The following DIP2C variants were observed in gnomAD, a reference collection of about 807,000 sequenced individuals.
DIP2C encodes disco-interacting protein 2 homolog C.
DIP2C carries 33 observed loss-of-function variants against 192.4 expected under a neutral mutation model. The observed-to-expected ratio is 0.17, with a 90% CI of 0.13 to 0.23. DIP2C has a LOEUF of 0.23. DIP2C is among the 10% of genes least tolerant of loss of function. The pLI, the probability that DIP2C is intolerant of heterozygous loss-of-function variation, is 1.00. For missense variants in DIP2C, 1,537 were observed against 2,110.1 expected (o/e 0.73, Z 5.32); for synonymous variants, 979 against 864.1 (o/e 1.13, Z -2.33).
intron 1 of DIP2C, among the ~76,000 whole-genome samples, chr10:570,565 G>T (rs1319381053): frequency 6.6e-6 from 1 of 152,144 alleles, no homozygotes; most frequent in Non-Finnish European, 1.5e-5. Flanking sequence ...TTCAGTACCT[G>T]CACCCAACAC....
intron 1 of DIP2C, among the ~76,000 whole-genome samples, chr10:688,218 C>A (rs1831402968): frequency 6.6e-6 from 1 of 152,146 alleles, no homozygotes; most frequent in Non-Finnish European, 1.5e-5. Context: ...GGGCAGCAGC[C>A]AAGCCCACAG....
intron 3 of DIP2C, among the ~76,000 whole-genome samples, chr10:459,354 G>A (rs1227647242): frequency 8.5e-6 from 1 of 118,116 alleles, no homozygotes; most frequent in Non-Finnish European, 1.8e-5. Flanking sequence ...GGGCTCTGTT[G>A]GAAGCTTGCT....
chr10:394,558 G>C (rs961140259), intron 10 of DIP2C, among the ~76,000 whole-genome samples: 2 of 98,854 alleles, frequency 2.0e-5, no homozygotes, highest in African/African-American at 7.7e-5. Context: ...CTGAACCAAA[G>C]GACATTACGT....
rs1056990285 is a variant in DIP2C, at chr10:636,753, C to T, written c.85+52741G>A. On this transcript the variant is annotated intron_variant, in intron 1 of 36. Coordinates refer to ENST00000280886, the MANE Select transcript of DIP2C (RefSeq NM_014974.3). The surrounding 1 kb of genome is among the most constrained non-coding windows in gnomAD (Gnocchi z 4.6). ...AGTCTGGGGCCAACGTCCTGCAGAA[C>T]GTCCCCCAGATGCATCTGTCTCTCA... is the stretch of plus-strand genomic sequence containing the variant. Among the ~76,000 whole-genome samples the T allele has an allele frequency of 7.2e-5, 11 of 152,216 alleles. No homozygotes were observed. The highest frequency in any genetic ancestry group is 1.0e-4 in the Non-Finnish European group (7 of 68,042).
intron 4 of DIP2C, among the ~76,000 whole-genome samples, chr10:428,408 G>A (rs1966735567): frequency 6.6e-6 from 1 of 152,130 alleles, no homozygotes; most frequent in South Asian, 2.1e-4. Context: ...TTATAAAGGA[G>A]ATTTTCACCG....
intron 3 of DIP2C, among the ~76,000 whole-genome samples, chr10:452,110 G>C (rs1325704164): frequency 6.6e-6 from 1 of 152,154 alleles, no homozygotes; most frequent in Non-Finnish European, 1.5e-5. Context: ...GAAGCATGGG[G>C]ACCACAAAGA....
At chr10:415,417 C>T (rs1306163921) in intron 7 of DIP2C, among the ~76,000 whole-genome samples, 2 of 152,194 alleles carry the variant, frequency 1.3e-5, no homozygotes, top group Non-Finnish European at 2.9e-5. Context: ...GGAGACAGCA[C>T]TTCACACGCC....
At chr10:383,087 A>G (rs752570092) in intron 16 of DIP2C, among the ~76,000 whole-genome samples, 2 of 152,204 alleles carry the variant, frequency 1.3e-5, no homozygotes, top group Non-Finnish European at 2.9e-5. Flanking sequence ...AATGAAGAAA[A>G]CTTTCCTCTC....
At chr10:606,239 A>ACC (rs34929850) in intron 1 of DIP2C, among the ~76,000 whole-genome samples, 14 of 151,152 alleles carry the variant, frequency 9.3e-5, no homozygotes, top group African/African-American at 2.9e-4. Flanking sequence ...GGCTCCACCC[A>ACC]CCCCCCCAGA....
chr10:499,953 T>TG (rs2133639676), intron 1 of DIP2C, among the ~76,000 whole-genome samples: 1 of 152,324 alleles, frequency 6.6e-6, no homozygotes, highest in South Asian at 2.1e-4. Context: ...AACCTGACCC[T>TG]GCCACAATGG....
chr10:397,604 T>G (rs929399843), intron 10 of DIP2C, among the ~76,000 whole-genome samples: 1 of 151,390 alleles, frequency 6.6e-6, no homozygotes, highest in Non-Finnish European at 1.5e-5. Flanking sequence ...GGTTCAGACC[T>G]GGGCAGTCCC....
intron 1 of DIP2C, among the ~76,000 whole-genome samples, chr10:534,674 T>TTA (rs1412863700): frequency 6.7e-6 from 1 of 150,330 alleles, no homozygotes; most frequent in Non-Finnish European, 1.5e-5. Context: ...GATTATTATT[T>TTA]TTTTTTTTTT....
At chr10:429,655 G>A (rs544732763) in intron 4 of DIP2C, among the ~76,000 whole-genome samples, 1 of 151,144 alleles carries the variant, frequency 6.6e-6, no homozygotes, top group South Asian at 2.1e-4. Flanking sequence ...TTTTCAGATT[G>A]CATATTGCTA....
At chr10:618,143 T>C (rs1180173264) in intron 1 of DIP2C, among the ~76,000 whole-genome samples, 1 of 152,258 alleles carries the variant, frequency 6.6e-6, no homozygotes, top group Non-Finnish European at 1.5e-5. Flanking sequence ...TCTTCAACAG[T>C]TTGATTCAAT....
At chr10:558,691 A>G (rs1328038752) in intron 1 of DIP2C, among the ~76,000 whole-genome samples, 2 of 152,216 alleles carry the variant, frequency 1.3e-5, no homozygotes, top group African/African-American at 4.8e-5. Flanking sequence ...GAAATCAGAC[A>G]CTGTAACATG....
intron 17 of DIP2C, among the ~76,000 whole-genome samples, chr10:377,570 G>A (rs1230218816): frequency 2.6e-5 from 4 of 152,132 alleles, no homozygotes; most frequent in Admixed American, 6.6e-5. Context: ...TTTATCTTGC[G>A]TTCTCTTACA....
intron 10 of DIP2C, among the ~76,000 whole-genome samples, chr10:393,797 GAAA>G (rs1161399125): frequency 2.5e-5 from 2 of 78,798 alleles, no homozygotes; most frequent in Non-Finnish European, 5.3e-5. Context: ...AAAAAAAAAA[GAAA>G]AAAAAAGAAA....
intron 34 of DIP2C, among the ~76,000 whole-genome samples, chr10:285,740 C>T (rs538146730): frequency 3.9e-5 from 6 of 152,342 alleles, no homozygotes; most frequent in East Asian, 1.9e-4. Flanking sequence ...CCCGCCAGTG[C>T]GGAGGGGCAC....
chr10:579,796 T>C (rs1442071186), intron 1 of DIP2C, among the ~76,000 whole-genome samples: 2 of 151,980 alleles, frequency 1.3e-5, no homozygotes, highest in East Asian at 3.9e-4. Context: ...ATATAGCATA[T>C]GTACATAGGT....
Sources: allele counts gnomAD v4.1 joint callset (sites outside exome capture counted in the v4.1 genomes callset), GRCh38; gene constraint gnomAD v4.1.1; non-coding constraint Gnocchi (gnomAD v3.1); transcripts MANE v1.5; gene names NCBI Gene and HGNC (gene_info 2026-07-23, HGNC 2026-07-21).